Variants in DMRT1 observed in about 807,000 individuals in gnomAD.
DMRT1 encodes doublesex and mab-3 related transcription factor 1, also known as doublesex- and mab-3-related transcription factor 1.
In DMRT1, 7 loss-of-function variants were observed where a neutral mutation model predicts 32.3. The observed-to-expected ratio is 0.22, with a 90% CI of 0.12 to 0.41. The LOEUF (loss-of-function observed/expected upper bound fraction) is 0.41, where lower values mean the gene tolerates loss of function less well. Ranked by LOEUF, DMRT1 falls within the 10% of genes least tolerant of loss-of-function variation. DMRT1 has a pLI of 1.00. For missense variants in DMRT1, 625 were observed against 500.5 expected (o/e 1.25, Z -2.37); for synonymous variants, 278 against 206.1 (o/e 1.35, Z -2.99).
At chr9:948,665 T>C (rs1347522297) in intron 4 of DMRT1, among the ~76,000 whole-genome samples, 2 of 152,100 alleles carry the variant, frequency 1.3e-5, no homozygotes, top group African/African-American at 2.4e-5. Context: ...CTGTGTTGAC[T>C]GAAACACTCA....
intron 2 of DMRT1, among the ~76,000 whole-genome samples, chr9:849,525 G>C (rs1014579250): frequency 3.9e-5 from 6 of 152,188 alleles, no homozygotes; most frequent in African/African-American, 1.2e-4. Context: ...AAGGACTTTA[G>C]GCTATGCAGA....
chr9:883,228 G>GA (rs945369675), intron 2 of DMRT1, among the ~76,000 whole-genome samples: 12 of 146,496 alleles, frequency 8.2e-5, no homozygotes, highest in Admixed American at 6.8e-5. Context: ...TTCACACCAA[G>GA]AAAAAAAAAA....
intron 4 of DMRT1, among the ~76,000 whole-genome samples, chr9:928,221 T>A (rs1354812516): frequency 1.3e-5 from 2 of 152,152 alleles, no homozygotes. Context: ...ATGAGCTCCA[T>A]AAAAAAATAA....
rs1013014003 is a variant in DMRT1, at chr9:841,801, G to C, written c.-38G>C. 2.5e-6 allele frequency: 4 copies of C among 1,581,814 alleles called. No homozygotes were observed. The highest frequency in any genetic ancestry group is 1.3e-5 in the African/African-American group (1 of 74,306). ...CCCTCGCAGCAGTCTCCAGGCGAGA[G>C]AGGGGGCCAGAGTGCTCGCACTTCT... On this transcript the variant is annotated 5_prime_UTR_variant, in exon 1 of 5. Coordinates refer to ENST00000382276, the MANE Select transcript of DMRT1 (RefSeq NM_021951.3).
At chr9:910,245 G>T (rs1384683804) in intron 3 of DMRT1, among the ~76,000 whole-genome samples, 1 of 151,692 alleles carries the variant, frequency 6.6e-6, no homozygotes, top group Admixed American at 6.6e-5. Context: ...TTTAATAAAT[G>T]TGAGCACAGG....
At chr9:902,179 G>A (rs923535703) in intron 3 of DMRT1, among the ~76,000 whole-genome samples, 1 of 151,790 alleles carries the variant, frequency 6.6e-6, no homozygotes, top group Non-Finnish European at 1.5e-5. Context: ...CAAAGTGCTG[G>A]GATTACAGGC....
intron 2 of DMRT1, among the ~76,000 whole-genome samples, chr9:883,645 T>A (rs1035135563): frequency 2.0e-5 from 3 of 150,862 alleles, no homozygotes; most frequent in Non-Finnish European, 4.4e-5. Context: ...AAAAAAAAAT[T>A]GCCGTGTATG....
rs187191342 is a variant in DMRT1, at chr9:899,635, C to T, written c.822+5440C>T. Among the ~76,000 whole-genome samples the T allele has an allele frequency of 2.0e-4, 31 of 152,318 alleles. No individual in the cohort carries two copies. The East Asian group carries it at 3.9e-3, about 19-fold the overall frequency. ...CAAACTCACAATGAATGGCTGGTTC[C>T]GCTGACCAGCAGCTCAATTTCACTT... is the stretch of plus-strand genomic sequence containing the variant. On this transcript the variant is annotated intron_variant, in intron 3 of 4. Transcript: ENST00000382276.
chr9:882,406 C>T (rs1341153618), intron 2 of DMRT1, among the ~76,000 whole-genome samples: 1 of 152,190 alleles, frequency 6.6e-6, no homozygotes, highest in Non-Finnish European at 1.5e-5. Flanking sequence ...CTTTCCTTGA[C>T]TTGGAAGTCC....
intron 2 of DMRT1, 28 bp from the exon 3 acceptor site, chr9:893,884 T>G: frequency 6.2e-7 from 1 of 1,605,284 alleles, no homozygotes; most frequent in Non-Finnish European, 8.5e-7. Context: ...AATACCATGT[T>G]GTATTTTTCT....
intron 4 of DMRT1, among the ~76,000 whole-genome samples, chr9:945,126 G>C (rs1235038793): frequency 1.3e-5 from 2 of 152,086 alleles, no homozygotes; most frequent in Admixed American, 6.6e-5. Context: ...AGTATAGCTA[G>C]CTAGACTCTA....
At chr9:850,554 T>C (rs769218487) in intron 2 of DMRT1, among the ~76,000 whole-genome samples, 1 of 152,238 alleles carries the variant, frequency 6.6e-6, no homozygotes, top group Non-Finnish European at 1.5e-5. Flanking sequence ...GCAGGTCTGT[T>C]TGTCATTCCA....
At chr9:872,468 C>T (rs559907276) in intron 2 of DMRT1, among the ~76,000 whole-genome samples, 11 of 152,206 alleles carry the variant, frequency 7.2e-5, no homozygotes, top group Non-Finnish European at 1.5e-4. Context: ...AACTCATACC[C>T]ATTACTGGTT....
At chr9:885,053 C>T (rs1443970339) in intron 2 of DMRT1, among the ~76,000 whole-genome samples, 1 of 152,200 alleles carries the variant, frequency 6.6e-6, no homozygotes, top group African/African-American at 2.4e-5. Flanking sequence ...GTCCTCTTGT[C>T]CCCGTTTTAG....
chr9:937,018 C>T (rs1171977128), intron 4 of DMRT1, among the ~76,000 whole-genome samples: 1 of 152,160 alleles, frequency 6.6e-6, no homozygotes, highest in Non-Finnish European at 1.5e-5. Context: ...TTTCCTCCTG[C>T]CCCTGGTAAT....
At chr9:860,816 G>C (rs1333060297) in intron 2 of DMRT1, among the ~76,000 whole-genome samples, 1 of 152,192 alleles carries the variant, frequency 6.6e-6, no homozygotes. Context: ...TCAAGATCTG[G>C]GGAAAGAGCA....
At chr9:932,379 A>G (rs1271466435) in intron 4 of DMRT1, among the ~76,000 whole-genome samples, 1 of 152,194 alleles carries the variant, frequency 6.6e-6, no homozygotes, top group Non-Finnish European at 1.5e-5. Context: ...TTATTTCTTG[A>G]TGTTATAATG....
intron 3 of DMRT1, among the ~76,000 whole-genome samples, chr9:905,345 C>A (rs1175021020): frequency 1.3e-5 from 2 of 152,162 alleles, no homozygotes; most frequent in African/African-American, 4.8e-5. Flanking sequence ...TTCCTTCTCA[C>A]AACATTCTTT....
intron 4 of DMRT1, among the ~76,000 whole-genome samples, chr9:922,841 GGTT>G (rs1818399058): frequency 6.6e-6 from 1 of 152,140 alleles, no homozygotes; most frequent in Non-Finnish European, 1.5e-5. Context: ...AACACACAGA[GGTT>G]GTCAGCAGTT....
Sources: gnomAD v4.1 joint callset for allele counts (sites outside exome capture counted in the v4.1 genomes callset) on GRCh38, gnomAD v4.1.1 for gene constraint, MANE v1.5 for transcripts, NCBI Gene and HGNC (gene_info 2026-07-23, HGNC 2026-07-21) for gene names.